SCNN1B: variants seen among roughly 807,000 people sequenced by gnomAD.
The protein encoded by SCNN1B is sodium channel epithelial 1 subunit beta, also known as epithelial sodium channel subunit beta.
SCNN1B carries 46 observed loss-of-function variants against 65.3 expected under a neutral mutation model. That is an observed-to-expected ratio of 0.70 (90% CI 0.56 to 0.90). The LOEUF (loss-of-function observed/expected upper bound fraction) is 0.90, where lower values mean the gene tolerates loss of function less well. Ranked by LOEUF, SCNN1B falls within the 40% of genes least tolerant of loss-of-function variation. The pLI is 0.00. For synonymous variants in SCNN1B, 349 were observed against 330.6 expected (o/e 1.06, Z -0.60); for missense variants, 751 against 830.5 (o/e 0.90, Z 1.18).
intron 1 of SCNN1B, among the ~76,000 whole-genome samples, chr16:23,328,553 T>A (rs946519538): frequency 6.6e-6 from 1 of 152,118 alleles, no homozygotes; most frequent in African/African-American, 2.4e-5. Flanking sequence ...GAGGCCTCTG[T>A]TTTCAGAGAC....
chr16:23,367,573 C>T (rs1962695040), intron 4 of SCNN1B, among the ~76,000 whole-genome samples: 1 of 152,252 alleles, frequency 6.6e-6, no homozygotes, highest in African/African-American at 2.4e-5. Flanking sequence ...GCTAGGATTA[C>T]AGGCGTGAGC....
chr16:23,313,223 G>A (rs1002710095), intron 1 of SCNN1B, among the ~76,000 whole-genome samples: 1 of 152,144 alleles, frequency 6.6e-6, no homozygotes, highest in East Asian at 1.9e-4. Context: ...TGGTGACCCA[G>A]CCACATCTCT....
chr16:23,341,891 G>A (rs1233052647), intron 1 of SCNN1B, among the ~76,000 whole-genome samples: 1 of 152,208 alleles, frequency 6.6e-6, no homozygotes, highest in Non-Finnish European at 1.5e-5. Context: ...TTGTTAAGTA[G>A]TGCAGCCATT....
chr16:23,360,197 C>CAA (rs1298962932), intron 4 of SCNN1B, among the ~76,000 whole-genome samples: 1,660 of 120,002 alleles, frequency 0.014, 34 homozygotes, highest in African/African-American at 0.05. Context: ...GACTCCATCT[C>CAA]AAAAAAATAA....
At chr16:23,379,951 C>T (rs1246221230) in intron 11 of SCNN1B, 143 bp from the exon 12 acceptor site, 5 of 743,210 alleles carry the variant, frequency 6.7e-6, no homozygotes, top group Non-Finnish European at 9.8e-6. Flanking sequence ...TGCATGTGTG[C>T]ACGGGTGTGT....
chr16:23,318,847 T>A (rs1215904427), intron 1 of SCNN1B, among the ~76,000 whole-genome samples: 1 of 152,116 alleles, frequency 6.6e-6, no homozygotes, highest in Non-Finnish European at 1.5e-5. Context: ...CATGGAGGAT[T>A]TGGGGCCCAA....
intron 1 of SCNN1B, among the ~76,000 whole-genome samples, chr16:23,332,189 C>A (rs1032948981): frequency 1.3e-5 from 2 of 151,838 alleles, no homozygotes; most frequent in Non-Finnish European, 2.9e-5. Flanking sequence ...CCATCATGCC[C>A]AGCTCTTTTT....
intron 4 of SCNN1B, among the ~76,000 whole-genome samples, chr16:23,363,459 T>C (rs1047500763): frequency 4.6e-5 from 7 of 152,240 alleles, no homozygotes; most frequent in Admixed American, 2.6e-4. Context: ...GACAAGGTCA[T>C]GCTCCCTCCC....
Position 23,339,533 on chromosome 16 carries a change from C to T in SCNN1B, c.-8-9059C>T, listed in dbSNP as rs184459782. 1.4e-4 allele frequency among the ~76,000 whole-genome samples: 21 copies of T among 151,458 alleles called. No homozygotes were observed. In the East Asian group the frequency reaches 3.9e-3, roughly 28 times the overall value. ...AAAGTGCTGGGATTACAGGCGTGAA[C>T]CACTGCACCTGGCATCCTTAACTTA... On this transcript the variant is annotated intron_variant, in intron 1 of 12. Coordinates refer to ENST00000343070, the MANE Select transcript of SCNN1B (RefSeq NM_000336.3).
chr16:23,380,210 CCT>C lies in SCNN1B; in HGVS notation c.1542+42_1542+43del. 6.4e-7 allele frequency: 1 copy of C among 1,565,054 alleles called. No individual in the cohort carries two copies. Among genetic ancestry groups the C allele is most frequent in the Non-Finnish European group, 8.8e-7 (1 of 1,135,370 alleles). The stretch of plus-strand genomic sequence containing the variant: ...TCCCAATACCCCAGCCCTGCCCTGC[CCT>C]GACCCCTGCACCCTGAGGGTGGGGG... On this transcript the variant is annotated intron_variant, in intron 12 of 12. Transcript: ENST00000343070. This position sits in a 1 kb window ranked among gnomAD's most constrained non-coding sequence, Gnocchi z 5.4.
chr16:23,379,183 C>T (rs1962982462), intron 11 of SCNN1B, among the ~76,000 whole-genome samples: 1 of 148,474 alleles, frequency 6.7e-6, no homozygotes, highest in East Asian at 1.9e-4. Flanking sequence ...CCATCCTCCA[C>T]CCATTCATCC....
chr16:23,360,217 T>TAAAC (rs1325946301), intron 4 of SCNN1B, among the ~76,000 whole-genome samples: 2 of 150,108 alleles, frequency 1.3e-5, no homozygotes, highest in African/African-American at 4.9e-5. Flanking sequence ...AATAAATAAA[T>TAAAC]AAATAAATAA....
chr16:23,379,697 A>C (rs1244868267), intron 11 of SCNN1B, among the ~76,000 whole-genome samples: 1 of 152,114 alleles, frequency 6.6e-6, no homozygotes, highest in Non-Finnish European at 1.5e-5. Context: ...CCCTGATGGC[A>C]CAAAGTGGGG....
intron 1 of SCNN1B, among the ~76,000 whole-genome samples, chr16:23,282,346 T>C (rs1182520200): frequency 6.6e-6 from 1 of 152,226 alleles, no homozygotes; most frequent in East Asian, 1.9e-4. Flanking sequence ...AAGCATCTAC[T>C]ATGTGTCTTC....
At chr16:23,278,822 C>T (rs1434582946) in intron 1 of SCNN1B, among the ~76,000 whole-genome samples, 1 of 151,894 alleles carries the variant, frequency 6.6e-6, no homozygotes, top group African/African-American at 2.4e-5. Flanking sequence ...CACCTGTAGT[C>T]CCAGCTACTT....
At chr16:23,368,053 C>T in intron 5 of SCNN1B, 94 bp downstream of exon 5, 1 of 1,015,346 alleles carries the variant, frequency 9.8e-7, no homozygotes, top group South Asian at 1.3e-5. Context: ...CAGGGTGGGA[C>T]TGAGGGGGGA....
chr16:23,361,384 G>T (rs1483310940), intron 4 of SCNN1B, among the ~76,000 whole-genome samples: 1 of 152,188 alleles, frequency 6.6e-6, no homozygotes, highest in Non-Finnish European at 1.5e-5. Flanking sequence ...CTTTGGAAAG[G>T]AGTCACTAAA....
At chr16:23,378,798 G>T (rs1962968710) in intron 11 of SCNN1B, 31 bp downstream of exon 11, 2 of 1,608,008 alleles carry the variant, frequency 1.2e-6, no homozygotes, top group Non-Finnish European at 1.7e-6. Flanking sequence ...GGCTGGGGAA[G>T]ACAGGGAAGG....
Position 23,380,014 on chromosome 16 carries a change from G to T in SCNN1B, c.1467-80G>T. 9.6e-7 allele frequency: 1 copy of T among 1,037,388 alleles called. No homozygotes were observed. Among genetic ancestry groups the T allele is most frequent in the Non-Finnish European group, 1.5e-6 (1 of 654,038 alleles). The allele number at this position is 1,037,388 out of a possible 1,614,324, so 64.3% of individuals were successfully genotyped here. On this transcript the variant is annotated intron_variant, in intron 11 of 12. Transcript: ENST00000343070. This position sits in a 1 kb window ranked among gnomAD's most constrained non-coding sequence, Gnocchi z 5.4. ...TGTGTGCACGTGCATGTGTGTGCAT[G>T]TGTCTATGTGCGTGTGTGTGTGTCT... is the stretch of plus-strand genomic sequence containing the variant.
Sources: gnomAD v4.1 joint callset for allele counts (sites outside exome capture counted in the v4.1 genomes callset) on GRCh38, gnomAD v4.1.1 for gene constraint, Gnocchi (gnomAD v3.1) non-coding constraint, MANE v1.5 for transcripts, NCBI Gene and HGNC (gene_info 2026-07-23, HGNC 2026-07-21) for gene names.